ADGRL1: variants seen among roughly 807,000 people sequenced by gnomAD.
ADGRL1 encodes the protein CIRL-1.
In ADGRL1, 31 loss-of-function variants were observed where a neutral mutation model predicts 148.9. That is an observed-to-expected ratio of 0.21 (90% CI 0.16 to 0.28). The LOEUF (loss-of-function observed/expected upper bound fraction) is 0.28. Ranked by LOEUF, ADGRL1 falls within the 10% of genes least tolerant of loss-of-function variation. ADGRL1 has a pLI of 1.00. For missense variants in ADGRL1, 1,521 were observed against 2,058.8 expected (o/e 0.74, Z 5.05); for synonymous variants, 937 against 900.3 (o/e 1.04, Z -0.73).
At chr19:14,176,201 A>T (rs1970812360) in intron 3 of ADGRL1, among the ~76,000 whole-genome samples, 1 of 150,708 alleles carries the variant, frequency 6.6e-6, no homozygotes, top group Admixed American at 6.7e-5. Flanking sequence ...ATACAAAAAA[A>T]TTAGCTTGGC....
chr19:14,165,718 T>C (rs1969895734), intron 4 of ADGRL1, among the ~76,000 whole-genome samples: 1 of 149,746 alleles, frequency 6.7e-6, no homozygotes, highest in Non-Finnish European at 1.5e-5. Context: ...TGGAGGGGTG[T>C]GGTGAGGGGG....
chr19:14,191,764 C>G (rs551104973), intron 1 of ADGRL1, among the ~76,000 whole-genome samples: 1 of 151,924 alleles, frequency 6.6e-6, no homozygotes, highest in South Asian at 2.1e-4. Flanking sequence ...GGCACAATCC[C>G]GGCTCATTGC....
rs537663319 is a variant in ADGRL1, at chr19:14,190,947, G to A, written c.-95-7250C>T. On this transcript the variant is annotated intron_variant, in intron 1 of 22. Transcript: ENST00000361434. Reference sequence around the variant, plus strand: ...TATTAAAAATACAAAAATTAGCCAGGTGTGATGGCGGGGACCTGTAATCTC... The same window carrying A: ...TATTAAAAATACAAAAATTAGCCAGATGTGATGGCGGGGACCTGTAATCTC... 5.8e-5 allele frequency: 22 copies of A among 379,130 alleles called. No homozygotes were observed. In the East Asian group the frequency reaches 1.2e-3, roughly 21 times the overall value. The allele number at this position is 379,130 out of a possible 1,614,324, so 23.5% of individuals were successfully genotyped here.
At chr19:14,178,508 A>T (rs532815002) in intron 2 of ADGRL1, among the ~76,000 whole-genome samples, 1 of 151,982 alleles carries the variant, frequency 6.6e-6, no homozygotes, top group East Asian at 2.0e-4. Flanking sequence ...CTATCTCAAT[A>T]AAAAAAGAGG....
intron 4 of ADGRL1, among the ~76,000 whole-genome samples, chr19:14,166,579 AGAAAG>A (rs1969985660): frequency 6.7e-6 from 1 of 148,708 alleles, no homozygotes; most frequent in Non-Finnish European, 1.5e-5. Context: ...AGAGAGAGAG[AGAAAG>A]AGAGAGAGAG....
Position 14,161,471 on chromosome 19 carries a change from G to T in ADGRL1, c.1351C>A (p.Pro451Thr). 1.4e-6 allele frequency: 2 copies of T among 1,457,980 alleles called. No individual in the cohort carries two copies. Among genetic ancestry groups the T allele is most frequent in the African/African-American group, 2.9e-5 (2 of 68,396 alleles). The allele number at this position is 1,457,980 out of a possible 1,614,324, so 90.3% of individuals were successfully genotyped here. The change falls in exon 6 of 23, where the codon CCA becomes ACA. Residue 451 changes from proline (P) to threonine (T), a missense_variant. Physicochemically the swap from Pro to Thr is conservative, Grantham distance 38 (BLOSUM62 -1). This residue lies in a region of ADGRL1 where 270 missense variants were observed against 320.4 expected (regional missense o/e 0.84). Coordinates refer to ENST00000361434, the MANE Select transcript of ADGRL1 (RefSeq NM_014921.5). This position sits in a 1 kb window ranked among gnomAD's most constrained non-coding sequence, Gnocchi z 4.4. ...GTGCTGGGGACTGGGGCTGTGGCTG[G>T]AGGCAGATCAGGTCCCAGCTGGTTG... ...AINQLGPDLP[P>T]ATAPVPSTRR...
At chr19:14,183,212 A>AGAGAGAGC (rs71172403) in intron 2 of ADGRL1, among the ~76,000 whole-genome samples, 78 of 151,132 alleles carry the variant, frequency 5.2e-4, no homozygotes, top group African/African-American at 1.4e-3. Flanking sequence ...AGAGAGAGAG[A>AGAGAGAGC]GAGAGCGAGA....
chr19:14,158,657 G>C (rs866750758), intron 11 of ADGRL1, 105 bp from the exon 12 acceptor site: 2 of 890,414 alleles, frequency 2.2e-6, no homozygotes, highest in Non-Finnish European at 3.5e-6. Context: ...CCTTGGCCAC[G>C]CTGGCCACTG....
At chr19:14,187,394 G>A (rs1971640364) in intron 1 of ADGRL1, among the ~76,000 whole-genome samples, 1 of 152,148 alleles carries the variant, frequency 6.6e-6, no homozygotes, top group Middle Eastern at 3.4e-3. Flanking sequence ...GATCCCCACA[G>A]GGCAGGACAC....
rs147050478 is a variant in ADGRL1 at position 14,161,483 on chromosome 19, G to A, written c.1339C>T (p.Pro447Ser). 1.4e-4 allele frequency: 205 copies of A among 1,443,216 alleles called. No homozygotes were observed. The highest frequency in any genetic ancestry group is 1.8e-4 in the Non-Finnish European group (200 of 1,096,596). The allele number at this position is 1,443,216 out of a possible 1,614,324, so 89.4% of individuals were successfully genotyped here. A position where few individuals can be genotyped will look rare whatever the true frequency, so the allele number is the denominator to read the frequency against. ...HPVGAINQLG[P>S]DLPPATAPVP... ...GGGGCTGTGGCTGGAGGCAGATCAG[G>A]TCCCAGCTGGTTGATGGCACCCACT... The change falls in exon 6 of 23, where the codon CCT (proline) becomes TCT (serine). Residue 447 changes from proline to serine, a missense_variant. Physicochemically the swap from Pro to Ser is moderately conservative, Grantham distance 74 (BLOSUM62 -1). Around this residue, in one of 8 missense-constraint regions of ADGRL1, gnomAD observed 270 missense variants for 320.4 expected, o/e 0.84. Coordinates refer to ENST00000361434, the MANE Select transcript of ADGRL1 (RefSeq NM_014921.5). This position sits in a 1 kb window ranked among gnomAD's most constrained non-coding sequence, Gnocchi z 4.4.
Position 14,151,416 on chromosome 19 carries a change from C to T in ADGRL1, c.3867G>A (p.Arg1289=), listed in dbSNP as rs376183061. 8.1e-6 allele frequency: 13 copies of T among 1,612,224 alleles called. No individual in the cohort carries two copies. The highest frequency in any genetic ancestry group is 2.7e-5 in the African/African-American group (2 of 74,900). The change falls in exon 23 of 23, where the codon CGG becomes CGA. Residue 1289 remains arginine (R), a synonymous_variant. Coordinates refer to ENST00000361434, the MANE Select transcript of ADGRL1 (RefSeq NM_014921.5). ...GGCCCTTGGCCGCGCTGCTGCTCCCCCGCAGGTTGTTGTGCACCAGCTCTG... is the reference window on the plus strand; with the variant it reads ...GGCCCTTGGCCGCGCTGCTGCTCCCTCGCAGGTTGTTGTGCACCAGCTCTG... ...IISELVHNNL[R]GSSSAAKGPP...
At chr19:14,171,144 C>CT (rs1459784582) in intron 3 of ADGRL1, 1 of 212,574 alleles carries the variant, frequency 4.7e-6, no homozygotes, top group Non-Finnish European at 9.5e-6. Context: ...GGCGTGCCTG[C>CT]TTCCCCTTCA....
Position 14,177,545 on chromosome 19 carries a change from C to T in ADGRL1, c.270G>A (p.Lys90=). 1 of 1,614,206 alleles carries T rather than the reference C, an allele frequency of 6.2e-7. No individual in the cohort carries two copies. The highest frequency in any genetic ancestry group is 8.5e-7 in the Non-Finnish European group (1 of 1,180,038). The stretch of plus-strand genomic sequence containing the variant: ...AGCCCACTCACCTCTGTGACATGAT[C>T]TTGAAGGCGTCCGGCAGGTAGCACT... ...NVQCYLPDAF[K]IMSQRCNNRT... is the part of the protein sequence containing the mutation. The change falls in exon 3 of 23, where the codon AAG becomes AAA. Residue 90 remains lysine (K), a synonymous_variant. Transcript: ENST00000361434.
At position 14,161,454 on chromosome 19, in the gene ADGRL1, G is replaced by A; in HGVS notation, c.1368C>T (p.Val456=). The change falls in exon 6 of 23, where the codon GTC becomes GTT. Residue 456 remains valine, a synonymous_variant. Coordinates refer to ENST00000361434, the MANE Select transcript of ADGRL1 (RefSeq NM_014921.5). This position sits in a 1 kb window ranked among gnomAD's most constrained non-coding sequence, Gnocchi z 4.4. ...GGGCTGGGGGCCGCCGGGTGCTGGG[G>A]ACTGGGGCTGTGGCTGGAGGCAGAT... ...GPDLPPATAP[V]PSTRRPPAPN... 1 of 1,472,802 alleles carries A rather than the reference G, an allele frequency of 6.8e-7. No individual in the cohort carries two copies. The highest frequency in any genetic ancestry group is 9.0e-7 in the Non-Finnish European group (1 of 1,110,878). The allele number at this position is 1,472,802 out of a possible 1,614,324, so 91.2% of individuals were successfully genotyped here. A position where few individuals can be genotyped will look rare whatever the true frequency, so the allele number is the denominator to read the frequency against.
In ADGRL1 at chr19:14,170,449, G is replaced by A. The variant is rs544323004; in HGVS notation, c.394+233C>T. The A allele has an allele frequency of 2.6e-4, 121 of 462,332 alleles. No homozygotes were observed. The East Asian group carries it at 4.6e-3, about 18-fold the overall frequency. The allele number at this position is 462,332 out of a possible 1,614,324, so 28.6% of individuals were successfully genotyped here. ...TGAGTGGGCTGGGGTAAGGAGAGCT[G>A]GAGAAGGTGTCCCCACAGGAGGGGA... On this transcript the variant is annotated intron_variant, in intron 4 of 22. Coordinates refer to ENST00000361434, the MANE Select transcript of ADGRL1 (RefSeq NM_014921.5).
At chr19:14,163,497 AGGG>A (rs879509404) in intron 4 of ADGRL1, 91 bp from the exon 5 acceptor site, 32 of 720,578 alleles carry the variant, frequency 4.4e-5, no homozygotes, top group Admixed American at 2.9e-4. Flanking sequence ...AGAGAGAGAG[AGGG>A]GGGAGAGAGG....
chr19:14,180,321 T>C (rs1311690718), intron 2 of ADGRL1, among the ~76,000 whole-genome samples: 2 of 152,100 alleles, frequency 1.3e-5, no homozygotes, highest in African/African-American at 4.8e-5. Flanking sequence ...AATGGCGCGA[T>C]CTCAGCTCAC....
intron 2 of ADGRL1, among the ~76,000 whole-genome samples, chr19:14,178,934 C>T (rs4480920): frequency 1.3e-5 from 2 of 151,398 alleles, no homozygotes; most frequent in Non-Finnish European, 2.9e-5. Flanking sequence ...CTGTAATCCC[C>T]GCACTTTGGG....
At position 14,152,011 on chromosome 19, in the gene ADGRL1, T is replaced by C; in HGVS notation, c.3667+122A>G. On this transcript the variant is annotated intron_variant, in intron 22 of 22. Transcript: ENST00000361434. The surrounding 1 kb of genome is among the most constrained non-coding windows in gnomAD (Gnocchi z 6.1). ...CTGCCAGAGGCTGTGTGTCGGGGGG[T>C]GGGGAAATGTGGGCATGGGGAGGCA... 1 of 866,738 alleles carries C rather than the reference T, an allele frequency of 1.2e-6. No individual in the cohort carries two copies. Among genetic ancestry groups the C allele is most frequent in the Non-Finnish European group, 1.9e-6 (1 of 521,546 alleles). The allele number at this position is 866,738 out of a possible 1,614,324, so 53.7% of individuals were successfully genotyped here. A position where few individuals can be genotyped will look rare whatever the true frequency, so the allele number is the denominator to read the frequency against.
Sources: gnomAD v4.1 joint callset for allele counts (sites outside exome capture counted in the v4.1 genomes callset) on GRCh38, gnomAD v4.1.1 for gene constraint, gnomAD v4.1.1 regional missense constraint, Gnocchi (gnomAD v3.1) non-coding constraint, MANE v1.5 for transcripts, NCBI Gene and HGNC (gene_info 2026-07-23, HGNC 2026-07-21) for gene names.